MAST2: variants seen among roughly 807,000 people sequenced by gnomAD.
MAST2 encodes the protein microtubule associated serine/threonine kinase 2, also known as microtubule-associated serine/threonine-protein kinase 2.
In MAST2, 70 loss-of-function variants were observed where a neutral mutation model predicts 147.4. That is an observed-to-expected ratio of 0.47 (90% CI 0.39 to 0.58). MAST2 has a LOEUF of 0.58. Among genes scored for constraint, MAST2 ranks in the 20% least tolerant of loss-of-function variants. The pLI is 0.00. For synonymous variants in MAST2, 869 were observed against 896.8 expected (o/e 0.97, Z 0.55); for missense variants, 2,080 against 2,302.3 (o/e 0.90, Z 1.98).
At chr1:45,818,040 GTAGT>G (rs1247334539) in intron 1 of MAST2, among the ~76,000 whole-genome samples, 5 of 152,194 alleles carry the variant, frequency 3.3e-5, no homozygotes, top group South Asian at 2.1e-4. Flanking sequence ...TGAAGAAGTG[GTAGT>G]TGGTTGGTGA....
At position 45,917,538 on chromosome 1, in the gene MAST2, G is replaced by A. The variant is rs867351912; in HGVS notation, c.500+35143G>A. On this transcript the variant is annotated intron_variant, in intron 4 of 28. Coordinates refer to ENST00000361297, the MANE Select transcript of MAST2 (RefSeq NM_015112.3). ...CAGCCGCCCACTGCCGTGGAGGTAA[G>A]GAAACTTGCTGTGAATCTGGGCCTT... The A allele has an allele frequency of 2.2e-6, 3 of 1,366,316 alleles. No individual in the cohort carries two copies. The Middle Eastern group carries it at 6.3e-4, about 288-fold the overall frequency. 84.6% of individuals were successfully genotyped at this position (1,366,316 alleles called of 1,614,324 possible).
At chr1:45,858,624 C>A (rs1645872817) in intron 3 of MAST2, among the ~76,000 whole-genome samples, 1 of 142,632 alleles carries the variant, frequency 7.0e-6, no homozygotes, top group Non-Finnish European at 1.5e-5. Flanking sequence ...TTAATAAGAT[C>A]CCATTTGTCA....
chr1:45,873,264 G>T (rs1646473072), intron 3 of MAST2, among the ~76,000 whole-genome samples: 3 of 151,460 alleles, frequency 2.0e-5, no homozygotes, highest in Non-Finnish European at 4.4e-5. Flanking sequence ...CATGATCTTG[G>T]CTCACTGCAA....
intron 4 of MAST2, among the ~76,000 whole-genome samples, chr1:45,898,170 C>A (rs1262160343): frequency 1.3e-5 from 2 of 152,032 alleles, no homozygotes; most frequent in Non-Finnish European, 2.9e-5. Flanking sequence ...AGTAGTTATA[C>A]AAGTGCGCTC....
intron 3 of MAST2, among the ~76,000 whole-genome samples, chr1:45,877,368 A>G (rs117340592): frequency 1.3e-5 from 2 of 152,270 alleles, no homozygotes; most frequent in African/African-American, 4.8e-5. Context: ...CTGGGACTAC[A>G]GGTGCACATC....
chr1:46,030,829 A>G (rs1463739175), intron 22 of MAST2, 68 bp downstream of exon 22: 2 of 1,489,380 alleles, frequency 1.3e-6, no homozygotes, highest in Admixed American at 2.5e-5. Context: ...ATCATGGGAG[A>G]GATTCCGATG....
intron 5 of MAST2, among the ~76,000 whole-genome samples, chr1:45,967,401 AACT>A (rs1179509967): frequency 6.6e-6 from 1 of 152,140 alleles, no homozygotes; most frequent in Non-Finnish European, 1.5e-5. Context: ...CCCGAAATTT[AACT>A]ACTAATAGCC....
At chr1:45,914,102 C>A (rs1488710573) in intron 4 of MAST2, among the ~76,000 whole-genome samples, 2 of 152,104 alleles carry the variant, frequency 1.3e-5, no homozygotes, top group Admixed American at 1.3e-4. Flanking sequence ...TTAGGGGTTC[C>A]TGAATACTTG....
At chr1:45,962,300 T>G (rs1205712893) in intron 5 of MAST2, among the ~76,000 whole-genome samples, 1 of 152,108 alleles carries the variant, frequency 6.6e-6, no homozygotes, top group Non-Finnish European at 1.5e-5. Context: ...ATGGGATGGC[T>G]GGGTCAAATG....
chr1:45,943,926 A>G (rs1325549418), intron 4 of MAST2, among the ~76,000 whole-genome samples: 2 of 152,176 alleles, frequency 1.3e-5, no homozygotes, highest in African/African-American at 2.4e-5. Context: ...ATAAGCAAGC[A>G]GTATGTTTAA....
At chr1:45,860,353 C>T (rs372207883) in intron 3 of MAST2, among the ~76,000 whole-genome samples, 1 of 145,864 alleles carries the variant, frequency 6.9e-6, no homozygotes, top group African/African-American at 2.6e-5. Context: ...CACTGCACTC[C>T]AGCCTGGGTG....
chr1:46,030,831 A>G, intron 22 of MAST2, 70 bp downstream of exon 22: 2 of 1,488,236 alleles, frequency 1.3e-6, no homozygotes, highest in Non-Finnish European at 1.8e-6. Flanking sequence ...CATGGGAGAG[A>G]TTCCGATGCC....
At chr1:45,873,189 A>ATTTTTTTTTTTTT (rs35141954) in intron 3 of MAST2, among the ~76,000 whole-genome samples, 1 of 143,248 alleles carries the variant, frequency 7.0e-6, no homozygotes, top group South Asian at 2.2e-4. Flanking sequence ...TCTTCTTCCT[A>ATTTTTTTTTTTTT]TTTTTTTTTT....
rs1156280121 is a variant in MAST2, at chr1:46,029,633, C to T, written c.2320+66C>T. On this transcript the variant is annotated intron_variant, in intron 19 of 28. Coordinates refer to ENST00000361297, the MANE Select transcript of MAST2 (RefSeq NM_015112.3). ...GGGGTAAGGGAGGCTGAGTCATGTACCCTGGAGGTTCAGGCTTCGGTTACG... is the reference window on the plus strand; with the variant it reads ...GGGGTAAGGGAGGCTGAGTCATGTATCCTGGAGGTTCAGGCTTCGGTTACG... The T allele has an allele frequency of 1.7e-5, 25 of 1,496,078 alleles. No individual in the cohort carries two copies. In the South Asian group the frequency reaches 1.8e-4, roughly 11 times the overall value. The allele number at this position is 1,496,078 out of a possible 1,614,324, so 92.7% of individuals were successfully genotyped here.
At chr1:45,908,606 G>T (rs1182307364) in intron 4 of MAST2, among the ~76,000 whole-genome samples, 2 of 152,100 alleles carry the variant, frequency 1.3e-5, no homozygotes, top group Non-Finnish European at 2.9e-5. Flanking sequence ...TATTGTAGTT[G>T]ATTTCTAATT....
intron 5 of MAST2, among the ~76,000 whole-genome samples, chr1:45,977,372 C>T (rs546656472): frequency 1.3e-5 from 2 of 152,106 alleles, no homozygotes; most frequent in African/African-American, 4.8e-5. Flanking sequence ...CCTATAATCC[C>T]AGCTACTCAG....
chr1:45,980,075 A>G (rs1644338600), intron 5 of MAST2, among the ~76,000 whole-genome samples: 1 of 152,138 alleles, frequency 6.6e-6, no homozygotes, highest in Non-Finnish European at 1.5e-5. Context: ...ACTTGAGGTC[A>G]GGAGTTCAAG....
intron 3 of MAST2, among the ~76,000 whole-genome samples, chr1:45,833,668 C>T (rs1472854468): frequency 6.6e-6 from 1 of 152,108 alleles, no homozygotes; most frequent in Non-Finnish European, 1.5e-5. Context: ...ATGCATTTCT[C>T]TAGTGACTCA....
intron 1 of MAST2, among the ~76,000 whole-genome samples, chr1:45,820,893 CTTTT>C (rs769508054): frequency 7.0e-5 from 3 of 43,078 alleles, no homozygotes; most frequent in Admixed American, 3.4e-4. Flanking sequence ...CTTTCTTTCT[CTTTT>C]TTTTTTTTTT....
Sources: allele counts gnomAD v4.1 joint callset (sites outside exome capture counted in the v4.1 genomes callset), GRCh38; gene constraint gnomAD v4.1.1; transcripts MANE v1.5; gene names NCBI Gene and HGNC (gene_info 2026-07-23, HGNC 2026-07-21).